The following AMBRA1 variants were observed in gnomAD, a reference collection of about 807,000 sequenced individuals.
AMBRA1 encodes the protein autophagy and beclin 1 regulator 1, also known as activating molecule in BECN1-regulated autophagy protein 1.
In AMBRA1, 47 loss-of-function variants were observed where a neutral mutation model predicts 125.4. That is an observed-to-expected ratio of 0.37 (90% CI 0.30 to 0.48). The LOEUF is 0.48. Ranked by LOEUF, AMBRA1 falls within the 20% of genes least tolerant of loss-of-function variation. The probability of loss-of-function intolerance (pLI) is 0.99; values close to 1 mark genes in which losing one functional copy is unlikely to be tolerated. For missense variants in AMBRA1, 1,331 were observed against 1,693.4 expected (o/e 0.79, Z 3.76); for synonymous variants, 626 against 655.5 (o/e 0.95, Z 0.69).
chr11:46,411,280 A>G (rs767724709), intron 15 of AMBRA1, among the ~76,000 whole-genome samples: 1 of 152,178 alleles, frequency 6.6e-6, no homozygotes, highest in Non-Finnish European at 1.5e-5. Flanking sequence ...CTCCATAAAG[A>G]GCAAACATCC....
intron 7 of AMBRA1, among the ~76,000 whole-genome samples, chr11:46,517,572 C>T (rs187092578): frequency 1.2e-3 from 170 of 143,306 alleles, no homozygotes; most frequent in Middle Eastern, 3.8e-3. Context: ...CAGTGGCTCA[C>T]GCCTGTAATC....
At chr11:46,552,662 GA>G (rs1278773094) in intron 1 of AMBRA1, among the ~76,000 whole-genome samples, 2 of 144,516 alleles carry the variant, frequency 1.4e-5, no homozygotes, top group African/African-American at 5.2e-5. Context: ...CTGGGCAACA[GA>G]GCGAGATTCT....
At chr11:46,580,463 C>T (rs1216074617) in intron 1 of AMBRA1, among the ~76,000 whole-genome samples, 1 of 152,166 alleles carries the variant, frequency 6.6e-6, no homozygotes, top group Non-Finnish European at 1.5e-5. Flanking sequence ...GGTCTTCATT[C>T]CACTCCCCAA....
intron 11 of AMBRA1, among the ~76,000 whole-genome samples, chr11:46,461,314 C>A (rs1004395694): frequency 6.6e-6 from 1 of 152,052 alleles, no homozygotes; most frequent in Non-Finnish European, 1.5e-5. Context: ...GCAAATAGGG[C>A]AAAATGTCAA....
At chr11:46,423,735 C>T (rs550126313) in intron 14 of AMBRA1, among the ~76,000 whole-genome samples, 84 of 145,236 alleles carry the variant, frequency 5.8e-4, no homozygotes, top group African/African-American at 2.0e-3. Flanking sequence ...CAGAGCAGGA[C>T]TAACTCACAG....
In AMBRA1 at chr11:46,588,775, C is replaced by CAAA. The variant is rs201030293; in HGVS notation, c.-121+5050_-121+5052dup. Among the ~76,000 whole-genome samples the CAAA allele has an allele frequency of 5.1e-5, 5 of 97,982 alleles. No homozygotes were observed. The South Asian group carries it at 1.0e-3, about 20-fold the overall frequency. The allele number at this position is 97,982 out of a possible 152,430, so 64.3% of individuals were successfully genotyped here. A position where few individuals can be genotyped will look rare whatever the true frequency, so the allele number is the denominator to read the frequency against. Reference sequence around the variant, plus strand: ...GGGCAACAAGAGCGAAACTCCATCTCAAAAAAAAAAAAAAAAAAGTATTAT... The same window carrying CAAA: ...GGGCAACAAGAGCGAAACTCCATCTCAAAAAAAAAAAAAAAAAAAAAGTATTAT... On this transcript the variant is annotated intron_variant, in intron 1 of 17. Coordinates refer to ENST00000683756, the MANE Select transcript of AMBRA1 (RefSeq NM_001387011.1).
At chr11:46,503,367 T>C (rs1012987632) in intron 9 of AMBRA1, among the ~76,000 whole-genome samples, 1 of 152,178 alleles carries the variant, frequency 6.6e-6, no homozygotes, top group Non-Finnish European at 1.5e-5. Flanking sequence ...TCAAAATATA[T>C]ACAACATTTA....
At chr11:46,406,623 G>T (rs1385560875) in intron 17 of AMBRA1, among the ~76,000 whole-genome samples, 7 of 151,180 alleles carry the variant, frequency 4.6e-5, no homozygotes, top group East Asian at 4.0e-4. Flanking sequence ...GCTCACGCCT[G>T]TAATCCCAGC....
chr11:46,451,109 T>C (rs1485495349), intron 11 of AMBRA1, among the ~76,000 whole-genome samples: 2 of 152,220 alleles, frequency 1.3e-5, no homozygotes, highest in African/African-American at 4.8e-5. Flanking sequence ...TGGTAGTTCA[T>C]ATCTATCATA....
At chr11:46,441,419 C>A (rs1275344744) in intron 12 of AMBRA1, among the ~76,000 whole-genome samples, 1 of 151,852 alleles carries the variant, frequency 6.6e-6, no homozygotes, top group East Asian at 1.9e-4. Flanking sequence ...GAGGCTGAGG[C>A]GGGAGAATCG....
chr11:46,586,304 G>A (rs1223631787), intron 1 of AMBRA1, among the ~76,000 whole-genome samples: 1 of 152,132 alleles, frequency 6.6e-6, no homozygotes, highest in East Asian at 1.9e-4. Flanking sequence ...AGCTACTCGG[G>A]AGGCTGAGGC....
intron 12 of AMBRA1, among the ~76,000 whole-genome samples, chr11:46,438,796 A>C (rs778587739): frequency 6.6e-6 from 1 of 152,186 alleles, no homozygotes; most frequent in Non-Finnish European, 1.5e-5. Flanking sequence ...TAGTGAATCT[A>C]ATGTGCCACT....
Position 46,508,197 on chromosome 11 carries a change from TC to T in AMBRA1, c.2332del (p.Asp778ThrfsTer66), listed in dbSNP as rs753208419. 1 of 1,614,048 alleles carries T rather than the reference TC, an allele frequency of 6.2e-7. No homozygotes were observed. The highest frequency in any genetic ancestry group is 1.1e-5 in the South Asian group (1 of 91,078). ...SVEGTDLEFE[D>X]FEDNGDRSRH... ...AAGCTGAGTATGTACTTACTCAAAG[TC>T]CTCAAATTCCAAGTCGGTTCCCTCT... On this transcript the variant is annotated frameshift_variant, in exon 9 of 18. Coordinates refer to ENST00000683756, the MANE Select transcript of AMBRA1 (RefSeq NM_001387011.1). LOFTEE classifies it high-confidence loss of function.
intron 7 of AMBRA1, among the ~76,000 whole-genome samples, chr11:46,533,213 T>C (rs572356049): frequency 6.6e-6 from 1 of 152,176 alleles, no homozygotes; most frequent in South Asian, 2.1e-4. Context: ...AAAATGTGTT[T>C]TGATTAGCAT....
At chr11:46,480,148 G>A (rs934681121) in intron 11 of AMBRA1, among the ~76,000 whole-genome samples, 1 of 152,084 alleles carries the variant, frequency 6.6e-6, no homozygotes, top group African/African-American at 2.4e-5. Flanking sequence ...GTAATCAGAT[G>A]AGGCCCACCC....
At chr11:46,472,601 T>C (rs898873915) in intron 11 of AMBRA1, among the ~76,000 whole-genome samples, 3 of 152,178 alleles carry the variant, frequency 2.0e-5, no homozygotes, top group Admixed American at 6.5e-5. Flanking sequence ...CCTGTCAACT[T>C]CTAGTTTATT....
intron 14 of AMBRA1, among the ~76,000 whole-genome samples, chr11:46,423,049 G>A (rs1281357707): frequency 6.6e-6 from 1 of 152,168 alleles, no homozygotes; most frequent in Non-Finnish European, 1.5e-5. Context: ...TTTAGTGAGG[G>A]CTACTAGAAG....
At chr11:46,441,850 G>C (rs867138750) in intron 12 of AMBRA1, among the ~76,000 whole-genome samples, 1 of 151,286 alleles carries the variant, frequency 6.6e-6, no homozygotes, top group African/African-American at 2.4e-5. Flanking sequence ...TAAATAGTCA[G>C]AGTACTGTCA....
At chr11:46,439,309 T>C (rs1947885206) in intron 12 of AMBRA1, among the ~76,000 whole-genome samples, 1 of 151,878 alleles carries the variant, frequency 6.6e-6, no homozygotes, top group African/African-American at 2.4e-5. Flanking sequence ...ACATAAAACC[T>C]CAAAGATTAA....
Sources: gnomAD v4.1 joint callset for allele counts (sites outside exome capture counted in the v4.1 genomes callset) on GRCh38, gnomAD v4.1.1 for gene constraint, MANE v1.5 for transcripts, NCBI Gene and HGNC (gene_info 2026-07-23, HGNC 2026-07-21) for gene names.